The following WWOX variants were observed in gnomAD, a reference collection of about 807,000 sequenced individuals.
WWOX encodes the protein WW domain-containing oxidoreductase.
In WWOX, 69 loss-of-function variants were observed where a neutral mutation model predicts 46.2. That is an observed-to-expected ratio of 1.49 (90% CI 1.23 to 1.82). The LOEUF is 1.82. Among genes scored for constraint, WWOX ranks in the 40% most tolerant of loss-of-function variants. WWOX has a pLI of 0.00. For missense variants in WWOX, 919 were observed against 542.6 expected (o/e 1.69, Z -6.89); for synonymous variants, 359 against 202.6 (o/e 1.77, Z -6.56).
chr16:78,245,030 A>T (rs571215582), intron 5 of WWOX, among the ~76,000 whole-genome samples: 1 of 152,204 alleles, frequency 6.6e-6, no homozygotes, highest in African/African-American at 2.4e-5. Context: ...TTTTGTTACA[A>T]TTGTGGCATA....
chr16:78,608,898 C>G (rs867264053), intron 8 of WWOX, among the ~76,000 whole-genome samples: 2 of 152,086 alleles, frequency 1.3e-5, no homozygotes, highest in African/African-American at 4.8e-5. Flanking sequence ...ATGGTCTGAC[C>G]TCGGAAACTT....
chr16:78,854,509 A>G (rs1349034677), intron 8 of WWOX, among the ~76,000 whole-genome samples: 1 of 152,206 alleles, frequency 6.6e-6, no homozygotes, highest in East Asian at 1.9e-4. Flanking sequence ...CATCCCTCAA[A>G]TTGTAACACC....
intron 8 of WWOX, among the ~76,000 whole-genome samples, chr16:78,446,867 A>C (rs375014785): frequency 1.3e-5 from 2 of 151,838 alleles, no homozygotes; most frequent in Non-Finnish European, 2.9e-5. Context: ...TGCCATGTTC[A>C]CCAGGCTGGA....
chr16:78,902,169 G>T (rs892440053), intron 8 of WWOX, among the ~76,000 whole-genome samples: 19 of 152,156 alleles, frequency 1.2e-4, no homozygotes, highest in African/African-American at 4.6e-4. Flanking sequence ...TGGAGAATCG[G>T]GCAGCCTGCA....
At chr16:79,090,333 C>T in intron 8 of WWOX, among the ~76,000 whole-genome samples, 1 of 146,150 alleles carries the variant, frequency 6.8e-6, no homozygotes, top group South Asian at 2.2e-4. Flanking sequence ...TAATGTGTTG[C>T]ATTGGTGTCT....
intron 5 of WWOX, among the ~76,000 whole-genome samples, chr16:78,221,620 C>G (rs2036890938): frequency 6.6e-6 from 1 of 152,152 alleles, no homozygotes; most frequent in African/African-American, 2.4e-5. Flanking sequence ...GACCCGAGTA[C>G]TATAGCCTTC....
chr16:78,466,666 C>G (rs960529570), intron 8 of WWOX, among the ~76,000 whole-genome samples: 1 of 152,010 alleles, frequency 6.6e-6, no homozygotes, highest in Admixed American at 6.6e-5. Flanking sequence ...CCTGTCTCTA[C>G]TATAAACTCC....
chr16:78,391,622 T>C (rs2082175632), intron 6 of WWOX, among the ~76,000 whole-genome samples: 1 of 152,138 alleles, frequency 6.6e-6, no homozygotes, highest in Non-Finnish European at 1.5e-5. Context: ...CCGCAGTGGG[T>C]GGATTGCTTG....
At chr16:78,413,760 G>A (rs891807689) in intron 6 of WWOX, among the ~76,000 whole-genome samples, 8 of 152,008 alleles carry the variant, frequency 5.3e-5, no homozygotes, top group East Asian at 2.0e-4. Flanking sequence ...CTCCTGTGCT[G>A]ACTCAGTTCC....
intron 8 of WWOX, among the ~76,000 whole-genome samples, chr16:79,160,219 A>G (rs1171682956): frequency 3.3e-5 from 5 of 152,232 alleles, no homozygotes; most frequent in East Asian, 3.8e-4. Context: ...GAGAGCTCCT[A>G]TGGGAAGAGT....
intron 8 of WWOX, among the ~76,000 whole-genome samples, chr16:78,469,982 G>C (rs958346921): frequency 1.3e-5 from 2 of 152,224 alleles, no homozygotes; most frequent in African/African-American, 4.8e-5. Context: ...GATGCTAGCT[G>C]CTATAACAAA....
rs78369976 is a variant in WWOX at position 78,577,975 on chromosome 16, A to G, written c.1056+145223A>G. ...ATAACCAAGACTCACTAATATTTTC[A>G]CAAGAACATTTGTCACCTAGGTCCA... On this transcript the variant is annotated intron_variant, in intron 8 of 8. Transcript: ENST00000566780. Among the ~76,000 whole-genome samples, 568 of 152,132 alleles carry G rather than the reference A, an allele frequency of 3.7e-3. 1 individual carries two copies. Among genetic ancestry groups the G allele is most frequent in the African/African-American group, 0.013 (552 of 41,520 alleles).
intron 8 of WWOX, among the ~76,000 whole-genome samples, chr16:78,685,950 T>G: frequency 6.7e-6 from 1 of 150,164 alleles, no homozygotes. Context: ...AGGAGAGACA[T>G]GGACCCACGG....
At chr16:78,180,455 G>A (rs957951556) in intron 5 of WWOX, among the ~76,000 whole-genome samples, 20 of 152,018 alleles carry the variant, frequency 1.3e-4, no homozygotes, top group Admixed American at 3.9e-4. Flanking sequence ...GGGCTAGTGC[G>A]TAAACCCAGC....
chr16:78,860,121 A>G (rs1424851436), intron 8 of WWOX, among the ~76,000 whole-genome samples: 1 of 152,228 alleles, frequency 6.6e-6, no homozygotes, highest in African/African-American at 2.4e-5. Context: ...ATTGTGGAAT[A>G]TGAAGTAGCT....
At chr16:79,164,953 C>G (rs761709866) in intron 8 of WWOX, among the ~76,000 whole-genome samples, 14 of 152,082 alleles carry the variant, frequency 9.2e-5, no homozygotes, top group African/African-American at 1.2e-4. Context: ...GTTATTCACC[C>G]AGTACAACTC....
chr16:78,778,567 G>A (rs542289992), intron 8 of WWOX, among the ~76,000 whole-genome samples: 8 of 152,102 alleles, frequency 5.3e-5, no homozygotes, highest in African/African-American at 1.9e-4. Flanking sequence ...GAAGAGCGAC[G>A]CAATAGAAAT....
At chr16:78,533,192 G>T (rs530056858) in intron 8 of WWOX, among the ~76,000 whole-genome samples, 1 of 152,164 alleles carries the variant, frequency 6.6e-6, no homozygotes, top group South Asian at 2.1e-4. Flanking sequence ...AGGTCAGCCA[G>T]TTGGGAACAG....
intron 8 of WWOX, among the ~76,000 whole-genome samples, chr16:78,645,871 C>T (rs536862583): frequency 6.6e-6 from 1 of 152,114 alleles, no homozygotes; most frequent in East Asian, 1.9e-4. Flanking sequence ...AGAATTTGTT[C>T]TGACTTTTTC....
Sources: allele counts gnomAD v4.1 joint callset (sites outside exome capture counted in the v4.1 genomes callset), GRCh38; gene constraint gnomAD v4.1.1; transcripts MANE v1.5; gene names NCBI Gene and HGNC (gene_info 2026-07-23, HGNC 2026-07-21).